The following DENND1A variants were observed in gnomAD, a reference collection of about 807,000 sequenced individuals.
The protein encoded by DENND1A is DENN domain containing 1A.
DENND1A carries 51 observed loss-of-function variants against 113.7 expected under a neutral mutation model. That is an observed-to-expected ratio of 0.45 (90% confidence interval 0.36 to 0.57). The LOEUF (loss-of-function observed/expected upper bound fraction) is 0.57, where lower values mean the gene tolerates loss of function less well. DENND1A is among the 20% of genes least tolerant of loss of function. The pLI is 0.00. For synonymous variants in DENND1A, 565 were observed against 570.8 expected (o/e 0.99, Z 0.14); for missense variants, 1,258 against 1,395.9 (o/e 0.90, Z 1.57).
intron 8 of DENND1A, among the ~76,000 whole-genome samples, chr9:123,655,044 T>C (rs1015739662): frequency 3.2e-4 from 48 of 152,206 alleles, no homozygotes; most frequent in Non-Finnish European, 5.4e-4. Flanking sequence ...GTGAAATACC[T>C]GGAAATTGTA....
chr9:123,802,922 T>C (rs1834940944), intron 2 of DENND1A, among the ~76,000 whole-genome samples: 1 of 151,726 alleles, frequency 6.6e-6, no homozygotes, highest in Non-Finnish European at 1.5e-5. Flanking sequence ...GGCTGGTCTC[T>C]AACTCCCAAC....
chr9:123,757,696 CCCTTA>C lies in DENND1A; in HGVS notation c.302+2_302+6del. On this transcript the variant is annotated splice_donor_variant and splice_donor_5th_base_variant and intron_variant, in intron 5 of 23. Coordinates refer to ENST00000394215, the MANE Select transcript of DENND1A (RefSeq NM_001352964.2). LOFTEE classifies it high-confidence loss of function. ...AACAAGCCAACAGCCCAAGCCTTCTCCCTTACCTTAAGATACAGAAGCAGCTCTTC... is the reference window on the plus strand; with the variant it reads ...AACAAGCCAACAGCCCAAGCCTTCTCCCTTAAGATACAGAAGCAGCTCTTC... The C allele has an allele frequency of 1.2e-6, 2 of 1,613,682 alleles. No homozygotes were observed. Among genetic ancestry groups the C allele is most frequent in the Non-Finnish European group, 1.7e-6 (2 of 1,179,864 alleles).
intron 1 of DENND1A, among the ~76,000 whole-genome samples, chr9:123,886,215 G>A (rs1405366900): frequency 6.6e-6 from 1 of 150,376 alleles, no homozygotes; most frequent in African/African-American, 2.4e-5. Context: ...TCATGCTATT[G>A]ATCACTCTGC....
At chr9:123,868,063 AC>A (rs1174773570) in intron 2 of DENND1A, among the ~76,000 whole-genome samples, 1 of 152,214 alleles carries the variant, frequency 6.6e-6, no homozygotes, top group African/African-American at 2.4e-5. Context: ...TTACCACTGG[AC>A]TTCTCAGTGT....
At chr9:123,609,115 C>T (rs893158091) in intron 11 of DENND1A, among the ~76,000 whole-genome samples, 5 of 152,148 alleles carry the variant, frequency 3.3e-5, no homozygotes, top group East Asian at 1.9e-4. Context: ...ATTGCTATAG[C>T]GATTAGAACA....
intron 20 of DENND1A, among the ~76,000 whole-genome samples, chr9:123,409,362 C>A (rs1299800471): frequency 1.3e-5 from 2 of 151,786 alleles, no homozygotes; most frequent in Non-Finnish European, 2.9e-5. Flanking sequence ...TGAAACACCC[C>A]AAAATCCAAG....
intron 13 of DENND1A, among the ~76,000 whole-genome samples, chr9:123,489,212 A>G (rs749277244): frequency 1.3e-5 from 2 of 152,240 alleles, no homozygotes; most frequent in Non-Finnish European, 2.9e-5. Context: ...AAAGCAAGTG[A>G]TCTGAAGTTA....
intron 2 of DENND1A, among the ~76,000 whole-genome samples, chr9:123,862,909 A>C (rs1482969569): frequency 6.6e-6 from 1 of 152,246 alleles, no homozygotes; most frequent in African/African-American, 2.4e-5. Context: ...GTCAACATTA[A>C]GATCTTGCTT....
At chr9:123,509,701 C>G (rs10818826) in intron 13 of DENND1A, among the ~76,000 whole-genome samples, 14,813 of 152,230 alleles carry the variant, frequency 0.097, 744 homozygotes, top group South Asian at 0.13. Flanking sequence ...GCCAGACTTT[C>G]CTCCTGAACT....
chr9:123,452,033 C>CGA (rs143496950), intron 17 of DENND1A, among the ~76,000 whole-genome samples: 5 of 134,926 alleles, frequency 3.7e-5, no homozygotes, highest in Admixed American at 1.5e-4. Flanking sequence ...CCTGTCTCTC[C>CGA]AAAAAAAAAA....
At chr9:123,699,247 C>T (rs2065720887) in intron 5 of DENND1A, among the ~76,000 whole-genome samples, 2 of 152,124 alleles carry the variant, frequency 1.3e-5, no homozygotes, top group Non-Finnish European at 2.9e-5. Flanking sequence ...AAATATGGAA[C>T]ACCTTCATGA....
intron 5 of DENND1A, among the ~76,000 whole-genome samples, chr9:123,723,901 T>A (rs1330888764): frequency 6.6e-6 from 1 of 152,220 alleles, no homozygotes; most frequent in African/African-American, 2.4e-5. Context: ...ATGTCATCTC[T>A]CTGACTCCAG....
intron 9 of DENND1A, among the ~76,000 whole-genome samples, chr9:123,634,283 C>T (rs189609711): frequency 1.6e-4 from 24 of 152,276 alleles, no homozygotes; most frequent in Admixed American, 1.0e-3. Flanking sequence ...TTTCTAAGGG[C>T]CAAATTTCTG....
chr9:123,627,610 C>G (rs964486594), intron 10 of DENND1A, among the ~76,000 whole-genome samples: 1 of 151,936 alleles, frequency 6.6e-6, no homozygotes, highest in Non-Finnish European at 1.5e-5. Context: ...TGTGATGGTA[C>G]GCGCCTGTAA....
intron 19 of DENND1A, among the ~76,000 whole-genome samples, chr9:123,430,450 G>A (rs1015721833): frequency 6.6e-6 from 1 of 152,132 alleles, no homozygotes; most frequent in Non-Finnish European, 1.5e-5. Flanking sequence ...ATCAATGATA[G>A]ACTGAAAAAA....
At chr9:123,508,854 G>C (rs1222158598) in intron 13 of DENND1A, among the ~76,000 whole-genome samples, 3 of 152,228 alleles carry the variant, frequency 2.0e-5, no homozygotes, top group African/African-American at 4.8e-5. Flanking sequence ...AACTTGAAAA[G>C]AACACTGAAG....
At position 123,383,922 on chromosome 9, in the gene DENND1A, G is replaced by A. The variant is rs1462800111; in HGVS notation, c.1761-9C>T. The A allele has an allele frequency of 1.2e-6, 2 of 1,602,662 alleles. No homozygotes were observed. Among genetic ancestry groups the A allele is most frequent in the Admixed American group, 1.7e-5 (1 of 59,930 alleles). On this transcript the variant is annotated splice_polypyrimidine_tract_variant and intron_variant, in intron 22 of 23. Transcript: ENST00000394215. ...TCCGATACGGCTGCGGCCTGTCGGGGACAGAGCAGGCTGCACTCTCCCACC... is the reference window on the plus strand; with the variant it reads ...TCCGATACGGCTGCGGCCTGTCGGGAACAGAGCAGGCTGCACTCTCCCACC...
At chr9:123,540,653 C>G (rs1334235052) in intron 13 of DENND1A, among the ~76,000 whole-genome samples, 2 of 152,178 alleles carry the variant, frequency 1.3e-5, no homozygotes, top group African/African-American at 2.4e-5. Flanking sequence ...TCCAAGCTGG[C>G]AAGATGCTTT....
At chr9:123,615,830 C>T (rs897579958) in intron 10 of DENND1A, among the ~76,000 whole-genome samples, 3 of 152,312 alleles carry the variant, frequency 2.0e-5, no homozygotes, top group South Asian at 2.1e-4. Context: ...GTAAAACAGT[C>T]GAGCTATTTA....
Sources: gnomAD v4.1 joint callset for allele counts (sites outside exome capture counted in the v4.1 genomes callset) on GRCh38, gnomAD v4.1.1 for gene constraint, MANE v1.5 for transcripts, NCBI Gene and HGNC (gene_info 2026-07-23, HGNC 2026-07-21) for gene names.